The following MAPRE2 variants were observed in gnomAD, a reference collection of about 807,000 sequenced individuals.
MAPRE2 encodes the protein microtubule associated protein RP/EB family member 2.
Under a neutral mutation model 43.2 loss-of-function variants are expected in MAPRE2, and 13 were observed. That is an observed-to-expected ratio of 0.30 (90% CI 0.20 to 0.48). The LOEUF (loss-of-function observed/expected upper bound fraction) is 0.48, where lower values mean the gene tolerates loss of function less well. MAPRE2 is among the 20% of genes least tolerant of loss of function. The probability of loss-of-function intolerance (pLI) is 0.99; values close to 1 mark genes in which losing one functional copy is unlikely to be tolerated. For missense variants in MAPRE2, 161 were observed against 400.2 expected, an observed-to-expected ratio of 0.40 and a Z score of 5.10; for synonymous variants, 135 against 148.8, an observed-to-expected ratio of 0.91 and a Z score of 0.68.
chr18:35,095,976 C>A (rs1445445909), intron 2 of MAPRE2, among the ~76,000 whole-genome samples: 1 of 152,038 alleles, frequency 6.6e-6, no homozygotes, highest in African/African-American at 2.4e-5. Context: ...TAGAGATATT[C>A]GTTATGGCCT....
chr18:35,006,902 G>T (rs1472091016), intron 2 of MAPRE2, among the ~76,000 whole-genome samples: 1 of 152,238 alleles, frequency 6.6e-6, no homozygotes, highest in Non-Finnish European at 1.5e-5. Context: ...GGCAGAGGTT[G>T]CAGTGAGCCA....
At chr18:35,077,364 A>G (rs1422427659) in intron 2 of MAPRE2, among the ~76,000 whole-genome samples, 1 of 152,184 alleles carries the variant, frequency 6.6e-6, no homozygotes, top group Non-Finnish European at 1.5e-5. Flanking sequence ...CCCAGATGTC[A>G]TAGTTGAGTG....
intron 2 of MAPRE2, among the ~76,000 whole-genome samples, chr18:35,085,182 T>C (rs2144137382): frequency 6.6e-6 from 1 of 152,324 alleles, no homozygotes; most frequent in Non-Finnish European, 1.5e-5. Flanking sequence ...GGTAGAGAGA[T>C]TTCTGCTGAT....
At chr18:34,985,514 T>C (rs1453833800) in intron 1 of MAPRE2, among the ~76,000 whole-genome samples, 1 of 61,682 alleles carries the variant, frequency 1.6e-5, no homozygotes, top group South Asian at 4.5e-4. Flanking sequence ...ATATAATATA[T>C]ATATTATATA....
chr18:35,139,833 G>A (rs993599231), intron 6 of MAPRE2, among the ~76,000 whole-genome samples: 1 of 152,192 alleles, frequency 6.6e-6, no homozygotes, highest in Non-Finnish European at 1.5e-5. Context: ...ACTAGGAAAT[G>A]GAGCAAAAGC....
At chr18:35,038,313 C>CTGAGTGTG (rs2097051754), upstream of MAPRE2, among the ~76,000 whole-genome samples, 1 of 152,200 alleles carries the variant, frequency 6.6e-6, no homozygotes, top group African/African-American at 2.4e-5. Context: ...GGCATGCTAG[C>CTGAGTGTG]AAAAGAAGAG....
chr18:35,013,962 C>T (rs1263188804), intron 2 of MAPRE2, among the ~76,000 whole-genome samples: 1 of 152,018 alleles, frequency 6.6e-6, no homozygotes, highest in African/African-American at 2.4e-5. Flanking sequence ...GTAAACAATG[C>T]CACAATAAAC....
intron 1 of MAPRE2, among the ~76,000 whole-genome samples, chr18:34,983,147 TTTTG>T (rs1320335318): frequency 6.6e-6 from 1 of 152,214 alleles, no homozygotes; most frequent in Non-Finnish European, 1.5e-5. Context: ...CCTTAGTCTT[TTTTG>T]TTTTTGTTTT....
intron 2 of MAPRE2, among the ~76,000 whole-genome samples, chr18:35,007,972 G>A (rs569546200): frequency 6.6e-6 from 1 of 152,292 alleles, no homozygotes; most frequent in East Asian, 1.9e-4. Context: ...GCCAACTGGG[G>A]GACTTGAGCA....
intron 2 of MAPRE2, among the ~76,000 whole-genome samples, chr18:35,020,070 A>G (rs1351825255): frequency 6.6e-6 from 1 of 152,034 alleles, no homozygotes; most frequent in African/African-American, 2.4e-5. Context: ...AGCACCCCTT[A>G]CCTCAAATAT....
upstream of MAPRE2, among the ~76,000 whole-genome samples, chr18:35,037,140 G>A (rs927492268): frequency 6.9e-6 from 1 of 145,352 alleles, no homozygotes; most frequent in Admixed American, 7.2e-5. Flanking sequence ...AACACTGAGA[G>A]TTCCTTGAAG....
intron 4 of MAPRE2, among the ~76,000 whole-genome samples, chr18:35,124,721 T>C (rs1909831541): frequency 6.6e-6 from 1 of 152,224 alleles, no homozygotes; most frequent in African/African-American, 2.4e-5. Flanking sequence ...TAAAAAGATC[T>C]GAAAGAACTT....
At chr18:35,042,036 CA>C (rs1375226446) in intron 1 of MAPRE2, among the ~76,000 whole-genome samples, 1 of 152,126 alleles carries the variant, frequency 6.6e-6, no homozygotes, top group Non-Finnish European at 1.5e-5. Flanking sequence ...TGCCAAAAGG[CA>C]GAAAACGGGA....
At position 35,058,591 on chromosome 18, in the gene MAPRE2, G is replaced by A. The variant is rs185006850; in HGVS notation, c.123-11604G>A. 6.6e-5 allele frequency among the ~76,000 whole-genome samples: 10 copies of A among 152,236 alleles called. No homozygotes were observed. In the East Asian group the frequency reaches 1.9e-3, roughly 29 times the overall value. On this transcript the variant is annotated intron_variant, in intron 1 of 6. Coordinates refer to ENST00000300249, the MANE Select transcript of MAPRE2 (RefSeq NM_014268.4). ...AAATCTGTAGTAACTAGAAATGCAC[G>A]ATGTGATGACTCCTACGATATTAAC...
chr18:35,003,956 G>A (rs2097030573), intron 1 of MAPRE2, among the ~76,000 whole-genome samples: 1 of 152,142 alleles, frequency 6.6e-6, no homozygotes, highest in Non-Finnish European at 1.5e-5. Context: ...AACTTAGATT[G>A]TAGTCAATAT....
intron 1 of MAPRE2, among the ~76,000 whole-genome samples, chr18:34,995,910 C>A (rs1226537800): frequency 6.6e-6 from 1 of 152,080 alleles, no homozygotes; most frequent in Admixed American, 6.5e-5. Context: ...AGCAGCATCA[C>A]CTAGAAGATT....
At chr18:35,038,163 C>T (rs2097051647), upstream of MAPRE2, among the ~76,000 whole-genome samples, 1 of 152,150 alleles carries the variant, frequency 6.6e-6, no homozygotes, top group Non-Finnish European at 1.5e-5. Context: ...TATCACTTCA[C>T]CTCTGCTGTA....
At chr18:35,093,420 A>G (rs867143878) in intron 2 of MAPRE2, among the ~76,000 whole-genome samples, 7 of 152,288 alleles carry the variant, frequency 4.6e-5, no homozygotes, top group Middle Eastern at 3.4e-3. Context: ...GACTGGATAT[A>G]TAGCCAAAGG....
chr18:35,052,593 G>T (rs967187135), intron 1 of MAPRE2, among the ~76,000 whole-genome samples: 1 of 152,118 alleles, frequency 6.6e-6, no homozygotes, highest in Admixed American at 6.5e-5. Flanking sequence ...TGGAGTGATT[G>T]GGTCATATGG....
Sources: allele counts gnomAD v4.1 joint callset (sites outside exome capture counted in the v4.1 genomes callset), GRCh38; gene constraint gnomAD v4.1.1; transcripts MANE v1.5; gene names NCBI Gene and HGNC (gene_info 2026-07-23, HGNC 2026-07-21).